TMEM150B: variants seen among roughly 807,000 people sequenced by gnomAD.
TMEM150B encodes the protein modulator of macroautophagy TMEM150B.
A neutral mutation model predicts 25.2 loss-of-function variants in TMEM150B; 33 were observed. The observed-to-expected ratio is 1.31, with a 90% CI of 0.99 to 1.75. The LOEUF (loss-of-function observed/expected upper bound fraction) is 1.75, where lower values mean the gene tolerates loss of function less well. Ranked by LOEUF, TMEM150B falls within the 40% of genes most tolerant of loss-of-function variation. The pLI is 0.00. For missense variants in TMEM150B, 322 were observed against 306.1 expected (o/e 1.05, Z -0.39); for synonymous variants, 133 against 134.8 (o/e 0.99, Z 0.09).
intron 6 of TMEM150B, among the ~76,000 whole-genome samples, chr19:55,318,167 C>T (rs1014327104): frequency 1.3e-5 from 2 of 151,870 alleles, no homozygotes; most frequent in Non-Finnish European, 2.9e-5. Flanking sequence ...TTGAGACCAG[C>T]GTGGCCAACA....
chr19:55,325,236 G>A (rs960517754), intron 1 of TMEM150B, 36 bp downstream of exon 1: 95 of 980,032 alleles, frequency 9.7e-5, no homozygotes, highest in East Asian at 1.1e-4. Flanking sequence ...CCAGCCTGCC[G>A]AGCTACTTTC....
rs200552249 is a variant in TMEM150B, at chr19:55,313,086, C to T, written c.506-31G>A. Reference sequence around the variant, plus strand: ...CCAGGGTCAAGGGCCACACTGCTACCGTGACAGACGCGGAGCCCGGCCTGG... The same window carrying T: ...CCAGGGTCAAGGGCCACACTGCTACTGTGACAGACGCGGAGCCCGGCCTGG... On this transcript the variant is annotated intron_variant, in intron 7 of 7. Coordinates refer to ENST00000326652, the MANE Select transcript of TMEM150B (RefSeq NM_001282011.2). The T allele has an allele frequency of 1.2e-4, 195 of 1,578,204 alleles. 1 individual carries two copies. The highest frequency in any genetic ancestry group is 1.6e-4 in the Non-Finnish European group (182 of 1,161,994).
At chr19:55,323,247 C>T (rs2089251925) in intron 1 of TMEM150B, among the ~76,000 whole-genome samples, 1 of 152,108 alleles carries the variant, frequency 6.6e-6, no homozygotes, top group South Asian at 2.1e-4. Flanking sequence ...GCCTGGCCAA[C>T]ATGGTGAAAC....
chr19:55,311,414 A>C (rs2088791289), downstream of TMEM150B, among the ~76,000 whole-genome samples: 1 of 152,102 alleles, frequency 6.6e-6, no homozygotes, highest in Non-Finnish European at 1.5e-5. Flanking sequence ...GGAGACAGTG[A>C]CCTGAGTCAG....
intron 7 of TMEM150B, among the ~76,000 whole-genome samples, chr19:55,313,883 CA>C (rs1433946426): frequency 6.6e-6 from 1 of 152,222 alleles, no homozygotes; most frequent in African/African-American, 2.4e-5. Context: ...CCCTCCCAGA[CA>C]GCTTATTCCA....
At chr19:55,312,022 C>A, downstream of TMEM150B, 5 of 1,509,974 alleles carry the variant, frequency 3.3e-6, no homozygotes, top group Non-Finnish European at 3.5e-6. Context: ...CGAGGCCCCC[C>A]CAAGGACAAG....
At chr19:55,316,233 C>T (rs73605155) in intron 7 of TMEM150B, among the ~76,000 whole-genome samples, 5,696 of 152,230 alleles carry the variant, frequency 0.037, 114 homozygotes, top group African/African-American at 0.058. Context: ...TTCGGACGAG[C>T]AGTTCACAGA....
downstream of TMEM150B, chr19:55,311,807 G>A (rs1221268813): frequency 8.0e-7 from 1 of 1,247,112 alleles, no homozygotes; most frequent in South Asian, 1.4e-5. Context: ...GAGCCTCGGG[G>A]TTACTGAGAC....
Position 55,319,929 on chromosome 19 carries a change from C to A in TMEM150B, c.324+110G>T, listed in dbSNP as rs975754449. The A allele has an allele frequency of 3.9e-6, 6 of 1,536,242 alleles. No individual in the cohort carries two copies. The African/African-American group carries it at 8.3e-5, about 21-fold the overall frequency. ...GAGAAAAATACAAGTCCCAGGAGGG[C>A]CGGGCGGGAACCAGCCCCCGAGACA... On this transcript the variant is annotated intron_variant, in intron 6 of 7. Coordinates refer to ENST00000326652, the MANE Select transcript of TMEM150B (RefSeq NM_001282011.2).
At chr19:55,312,683 G>T, downstream of TMEM150B, 1 of 684,294 alleles carries the variant, frequency 1.5e-6, no homozygotes, top group Non-Finnish European at 2.3e-6. Context: ...GCTGCCACCA[G>T]CTGTTCAGAG....
In TMEM150B at chr19:55,320,455, G is replaced by A; in HGVS notation, c.132C>T (p.Ile44=). The A allele has an allele frequency of 6.3e-7, 1 of 1,594,096 alleles. No individual in the cohort carries two copies. Among genetic ancestry groups the A allele is most frequent in the Non-Finnish European group, 8.6e-7 (1 of 1,168,960 alleles). ...DLSKGFPYIS[I]CGSFPPQSCI... is the part of the protein sequence containing the mutation. The stretch of plus-strand genomic sequence containing the variant: ...AGCTCTGAGGGGGGAAGGATCCGCA[G>A]ATGCTGGGGAAGACAAAGGGGTCAT... Residue 44 remains isoleucine, a synonymous_variant, in exon 5 of 8, where the codon ATC becomes ATT. Transcript: ENST00000326652.
In TMEM150B at chr19:55,318,535, T is replaced by C. The variant is rs552239896; in HGVS notation, c.324+1504A>G. The stretch of plus-strand genomic sequence containing the variant: ...CCTGTAGTCTCAGCTATTTGGTAGG[T>C]TGAGGCAGGAGAATCGCTTGAACCC... On this transcript the variant is annotated intron_variant, in intron 6 of 7. Coordinates refer to ENST00000326652, the MANE Select transcript of TMEM150B (RefSeq NM_001282011.2). Among the ~76,000 whole-genome samples, 59 of 151,828 alleles carry C rather than the reference T, an allele frequency of 3.9e-4. 1 individual carries two copies. The South Asian group carries it at 0.011, about 29-fold the overall frequency.
At chr19:55,323,731 A>C (rs2089264049) in intron 1 of TMEM150B, among the ~76,000 whole-genome samples, 1 of 148,880 alleles carries the variant, frequency 6.7e-6, no homozygotes, top group African/African-American at 2.5e-5. Context: ...TCGAACTCCC[A>C]ACCTCAGGTG....
At chr19:55,312,062 G>T (rs987508360), downstream of TMEM150B, 3 of 1,433,556 alleles carry the variant, frequency 2.1e-6, no homozygotes, top group East Asian at 2.8e-5. Flanking sequence ...GGACCCCTCT[G>T]CCCTGACCCC....
intron 7 of TMEM150B, among the ~76,000 whole-genome samples, chr19:55,314,467 T>A (rs894714097): frequency 6.6e-6 from 1 of 152,160 alleles, no homozygotes; most frequent in African/African-American, 2.4e-5. Context: ...ACCTGCAGTG[T>A]GCCCTCAACC....
downstream of TMEM150B, chr19:55,311,960 C>T: frequency 6.2e-7 from 1 of 1,606,920 alleles, no homozygotes. Context: ...CACCCCGAAG[C>T]CTGCAGCCCC....
chr19:55,324,940 G>T (rs1267631972), intron 1 of TMEM150B: 3 of 940,714 alleles, frequency 3.2e-6, no homozygotes, highest in Non-Finnish European at 3.8e-6. Context: ...GGGAGCCCAG[G>T]GGAGGGAGGG....
At chr19:55,315,341 A>G (rs1338016579) in intron 7 of TMEM150B, among the ~76,000 whole-genome samples, 1 of 150,910 alleles carries the variant, frequency 6.6e-6, no homozygotes, top group Non-Finnish European at 1.5e-5. Context: ...CAAGATAATA[A>G]TAATAATAGG....
At chr19:55,313,093 G>A in intron 7 of TMEM150B, 38 bp from the exon 8 acceptor site, 1 of 1,565,858 alleles carries the variant, frequency 6.4e-7, no homozygotes, top group South Asian at 1.2e-5. Flanking sequence ...TACCGTGACA[G>A]ACGCGGAGCC....
Sources: gnomAD v4.1 joint callset for allele counts (sites outside exome capture counted in the v4.1 genomes callset) on GRCh38, gnomAD v4.1.1 for gene constraint, MANE v1.5 for transcripts, NCBI Gene and HGNC (gene_info 2026-07-23, HGNC 2026-07-21) for gene names.